CIP2A: variants seen among roughly 807,000 people sequenced by gnomAD.
CIP2A encodes the protein protein CIP2A.
CIP2A carries 103 observed loss-of-function variants against 110.9 expected under a neutral mutation model. The ratio of observed to expected loss-of-function variants is 0.93; its 90% confidence interval spans 0.79 to 1.09. The LOEUF (loss-of-function observed/expected upper bound fraction) is 1.09, where lower values mean the gene tolerates loss of function less well. Ranked by LOEUF, CIP2A falls within the 50% of genes least tolerant of loss-of-function variation. CIP2A has a pLI of 0.00. For synonymous variants in CIP2A, 381 were observed against 361.6 expected (o/e 1.05, Z -0.61); for missense variants, 1,088 against 1,038.4 (o/e 1.05, Z -0.66).
intron 19 of CIP2A, among the ~76,000 whole-genome samples, 199 bp from the exon 20 acceptor site, chr3:108,552,572 T>C (rs190536588): frequency 3.5e-4 from 54 of 152,178 alleles, no homozygotes; most frequent in Admixed American, 6.5e-4. Context: ...ATATGCTATA[T>C]AGGTAAAGGA....
chr3:108,578,641 A>G (rs1938760716), intron 7 of CIP2A, among the ~76,000 whole-genome samples: 1 of 152,186 alleles, frequency 6.6e-6, no homozygotes, highest in Admixed American at 6.5e-5. Context: ...AATTTCAATT[A>G]TTTCCTAATT....
chr3:108,552,449 G>T (rs1937618219), intron 19 of CIP2A, 76 bp from the exon 20 acceptor site: 2 of 847,384 alleles, frequency 2.4e-6, no homozygotes, highest in Admixed American at 6.3e-5. Context: ...AGTAGCTACT[G>T]TAAGAGCAAA....
rs527620114 is a variant in CIP2A at position 108,588,211 on chromosome 3, T to C, written c.102+1063A>G. 2.6e-5 allele frequency among the ~76,000 whole-genome samples: 4 copies of C among 152,340 alleles called. No homozygotes were observed. In the South Asian group the frequency reaches 8.3e-4, roughly 32 times the overall value. On this transcript the variant is annotated intron_variant, in intron 1 of 20. Transcript: ENST00000295746. ...ATTCTGCGGCTTCTGGAGCCTATGC[T>C]AATTCAGAAGCAAAGCCTTAAGCAT...
intron 2 of CIP2A, among the ~76,000 whole-genome samples, chr3:108,583,294 A>G (rs1229147295): frequency 1.3e-5 from 2 of 152,194 alleles, no homozygotes; most frequent in East Asian, 3.8e-4. Flanking sequence ...TTGTTTACAC[A>G]TTTGTAGCAA....
rs1228147108 is a variant in CIP2A, at chr3:108,585,844, ATTG to A, written c.103-635_103-633del. On this transcript the variant is annotated intron_variant, in intron 1 of 20. Coordinates refer to ENST00000295746, the MANE Select transcript of CIP2A (RefSeq NM_020890.3). ...GAAAAATTTTATTTCTGATTATTCC[ATTG>A]TTTTTTTTACTTTCTTGTAATCTAT... 50 of 449,530 alleles carry A rather than the reference ATTG, an allele frequency of 1.1e-4. 1 individual carries two copies. The highest frequency in any genetic ancestry group is 3.1e-5 in the Non-Finnish European group (7 of 224,216). 27.8% of individuals were successfully genotyped at this position (449,530 alleles called of 1,614,324 possible). A position where few individuals can be genotyped will look rare whatever the true frequency, so the allele number is the denominator to read the frequency against.
chr3:108,581,580 T>A, intron 4 of CIP2A, 69 bp from the exon 5 acceptor site: 1 of 889,616 alleles, frequency 1.1e-6, no homozygotes, highest in East Asian at 2.6e-5. Flanking sequence ...AACATTATTC[T>A]AAGTCAAAAT....
chr3:108,570,741 T>C (rs1938367224), intron 8 of CIP2A, among the ~76,000 whole-genome samples: 1 of 152,158 alleles, frequency 6.6e-6, no homozygotes, highest in African/African-American at 2.4e-5. Context: ...TGTAAAGGCC[T>C]AGGACATTAC....
At chr3:108,570,824 T>G (rs774069032) in intron 8 of CIP2A, among the ~76,000 whole-genome samples, 1 of 152,136 alleles carries the variant, frequency 6.6e-6, no homozygotes, top group Non-Finnish European at 1.5e-5. Context: ...TCTAATAAAT[T>G]AACCTTAGCT....
At chr3:108,571,865 G>C (rs1380336056) in intron 8 of CIP2A, among the ~76,000 whole-genome samples, 1 of 152,116 alleles carries the variant, frequency 6.6e-6, no homozygotes, top group African/African-American at 2.4e-5. Context: ...AGTACTAAAT[G>C]AGAGTTAAAG....
At position 108,583,011 on chromosome 3, in the gene CIP2A, C is replaced by A. The variant is rs748931313; in HGVS notation, c.323G>T (p.Cys108Phe). The A allele has an allele frequency of 6.2e-6, 10 of 1,610,908 alleles. No homozygotes were observed. The South Asian group carries it at 8.8e-5, about 14-fold the overall frequency. Residue 108 changes from cysteine (C) to phenylalanine (F), a missense_variant, in exon 3 of 21, where the codon TGT (cysteine) becomes TTT (phenylalanine). Transcript: ENST00000295746. ...CACCGAATCAGTGTGGCTGCTCCGA[C>A]AAACCACTCCCGCCAGCACACTATT... ...NLNSVLAGVV[C>F]RSSHTDSVFL...
At chr3:108,568,104 A>AC (rs758390020) in intron 10 of CIP2A, 51 bp downstream of exon 10, 84 of 1,434,956 alleles carry the variant, frequency 5.9e-5, no homozygotes, top group Non-Finnish European at 7.8e-5. Context: ...ATACTAGAAA[A>AC]AAAAGAATGG....
At chr3:108,580,450 C>T (rs923411699) in intron 5 of CIP2A, among the ~76,000 whole-genome samples, 2 of 151,212 alleles carry the variant, frequency 1.3e-5, no homozygotes, top group South Asian at 2.1e-4. Flanking sequence ...CACACACACA[C>T]ACACACACAC....
intron 12 of CIP2A, 50 bp from the exon 13 acceptor site, chr3:108,563,294 T>C (rs1240272190): frequency 1.8e-6 from 2 of 1,093,360 alleles, no homozygotes; most frequent in Non-Finnish European, 2.8e-6. Context: ...ATAAACAATG[T>C]CAGCTCTTTT....
In CIP2A at chr3:108,583,097, T is replaced by C. The variant is rs1938935157; in HGVS notation, c.251-14A>G. ...CAATGTCTACTGCTATAAGTTAAAA[T>C]AAAAGCACAAAATATATCATTTTCT... On this transcript the variant is annotated splice_polypyrimidine_tract_variant and intron_variant, in intron 2 of 20. Transcript: ENST00000295746. The C allele has an allele frequency of 7.0e-7, 1 of 1,434,454 alleles. No individual in the cohort carries two copies. The highest frequency in any genetic ancestry group is 2.4e-5 in the East Asian group (1 of 42,354). The allele number at this position is 1,434,454 out of a possible 1,614,324, so 88.9% of individuals were successfully genotyped here.
rs757702719 is a variant in CIP2A, at chr3:108,582,993, T to C, written c.341A>G (p.Asp114Gly). ...TCTGTATACCTGCAAAAACACCGAA[T>C]CAGTGTGGCTGCTCCGACAAACCAC... ...AGVVCRSSHTDSVFLQCIQLL... is the reference protein window; with the variant it reads ...AGVVCRSSHTGSVFLQCIQLL... The change falls in exon 3 of 21, where the codon GAT (aspartate) becomes GGT (glycine). Residue 114 changes from aspartate (D) to glycine (G), a missense_variant. Transcript: ENST00000295746. 1.9e-6 allele frequency: 3 copies of C among 1,608,756 alleles called. 1 individual carries two copies. The South Asian group carries it at 3.3e-5, about 18-fold the overall frequency.
chr3:108,587,371 G>A (rs982281748), intron 1 of CIP2A, among the ~76,000 whole-genome samples: 1 of 152,172 alleles, frequency 6.6e-6, no homozygotes, highest in African/African-American at 2.4e-5. Flanking sequence ...CGGTACATGT[G>A]CAACATGAAT....
Position 108,563,134 on chromosome 3 carries a change from A to G in CIP2A, c.1626T>C (p.Pro542=), listed in dbSNP as rs756596234. ...LLEAAPLPDF[P]ALVLGESIAA... ...AAATGATTACAACTCACACTAAAGCAGGAAAATCTGGCAGTGGAGCAGCCT... is the reference window on the plus strand; with the variant it reads ...AAATGATTACAACTCACACTAAAGCGGGAAAATCTGGCAGTGGAGCAGCCT... The change falls in exon 13 of 21, where the codon CCT becomes CCC. Residue 542 remains proline, a synonymous_variant. Transcript: ENST00000295746. 6.3e-7 allele frequency: 1 copy of G among 1,599,058 alleles called. No individual in the cohort carries two copies. Among genetic ancestry groups the G allele is most frequent in the South Asian group, 1.1e-5 (1 of 90,722 alleles).
chr3:108,576,833 C>G (rs931206926), intron 7 of CIP2A, among the ~76,000 whole-genome samples: 1 of 152,092 alleles, frequency 6.6e-6, no homozygotes, highest in Non-Finnish European at 1.5e-5. Context: ...TGTGGGACCC[C>G]TAGCATTATA....
chr3:108,579,265 C>A lies in CIP2A; in HGVS notation c.818+16G>T. ...AAAAATAAAAAAGTTCTAAAATTGA[C>A]TGAAGTGAGTCATACCTGGTGAGAT... On this transcript the variant is annotated intron_variant, in intron 7 of 20. Transcript: ENST00000295746. The A allele has an allele frequency of 1.3e-6, 2 of 1,583,254 alleles. No individual in the cohort carries two copies. The highest frequency in any genetic ancestry group is 1.7e-6 in the Non-Finnish European group (2 of 1,162,638).
Sources: allele counts gnomAD v4.1 joint callset (sites outside exome capture counted in the v4.1 genomes callset), GRCh38; gene constraint gnomAD v4.1.1; transcripts MANE v1.5; gene names NCBI Gene and HGNC (gene_info 2026-07-23, HGNC 2026-07-21).